ERBIN: variants seen among roughly 807,000 people sequenced by gnomAD.
ERBIN encodes the protein erbb2 interacting protein, also known as densin-180-like protein.
A neutral mutation model predicts 158.4 loss-of-function variants in ERBIN; 60 were observed. The observed-to-expected ratio is 0.38, with a 90% CI of 0.31 to 0.47. The LOEUF is 0.47. ERBIN is among the 20% of genes least tolerant of loss of function. The pLI, the probability that ERBIN is intolerant of heterozygous loss-of-function variation, is 0.99. For missense variants in ERBIN, 1,610 were observed against 1,648.0 expected (o/e 0.98, Z 0.40); for synonymous variants, 594 against 557.2 (o/e 1.07, Z -0.93).
chr5:66,081,801 T>G lies in ERBIN; in HGVS notation c.*3271T>G, dbSNP rs966081082. 2.6e-5 allele frequency: 4 copies of G among 152,106 alleles called. No individual in the cohort carries two copies. Among genetic ancestry groups the G allele is most frequent in the African/African-American group, 9.7e-5 (4 of 41,422 alleles). The allele number at this position is 152,106 out of a possible 1,614,324, so 9.4% of individuals were successfully genotyped here. On this transcript the variant is annotated 3_prime_UTR_variant, in exon 26 of 26. Coordinates refer to ENST00000284037, the MANE Select transcript of ERBIN (RefSeq NM_001253697.2). The stretch of plus-strand genomic sequence containing the variant: ...TGTTGCATTCTTACAGCCTTCTGTT[T>G]TAATGTTCAGTGAATAGGTTTCTTA...
chr5:66,058,167 C>T (rs1759827161), intron 21 of ERBIN, among the ~76,000 whole-genome samples: 1 of 151,752 alleles, frequency 6.6e-6, no homozygotes, highest in Non-Finnish European at 1.5e-5. Flanking sequence ...TAAAAGTGTT[C>T]CTATTTCTCC....
intron 1 of ERBIN, among the ~76,000 whole-genome samples, chr5:65,928,615 ATTT>A (rs916784566): frequency 6.6e-6 from 1 of 151,938 alleles, no homozygotes; most frequent in African/African-American, 2.4e-5. Context: ...TTAGTTCTTG[ATTT>A]TTTTTCTCAG....
chr5:65,962,823 T>G (rs541590474), intron 1 of ERBIN, among the ~76,000 whole-genome samples: 1 of 152,314 alleles, frequency 6.6e-6, no homozygotes, highest in South Asian at 2.1e-4. Flanking sequence ...AATGAACAGT[T>G]TGGTTTAGTA....
intron 1 of ERBIN, among the ~76,000 whole-genome samples, chr5:65,954,927 T>C (rs1746918614): frequency 6.6e-6 from 1 of 151,896 alleles, no homozygotes; most frequent in South Asian, 2.1e-4. Flanking sequence ...TAGCCGGGCA[T>C]GGTGGTGGGC....
At chr5:66,029,758 C>A (rs1054212634) in intron 14 of ERBIN, among the ~76,000 whole-genome samples, 4 of 152,100 alleles carry the variant, frequency 2.6e-5, no homozygotes, top group Non-Finnish European at 4.4e-5. Context: ...GCATGTGCCG[C>A]CACTCCCAGC....
chr5:66,027,838 C>G (rs1756442357), intron 13 of ERBIN, among the ~76,000 whole-genome samples: 1 of 152,032 alleles, frequency 6.6e-6, no homozygotes, highest in East Asian at 1.9e-4. Context: ...GATTATGTAA[C>G]TGCTGGCTCA....
At chr5:66,049,367 C>T (rs764180147) in intron 19 of ERBIN, among the ~76,000 whole-genome samples, 4 of 151,952 alleles carry the variant, frequency 2.6e-5, no homozygotes, top group African/African-American at 9.7e-5. Context: ...AATGTTTAGC[C>T]GTTTGTCTTT....
At chr5:66,029,045 C>T (rs1346072416) in intron 14 of ERBIN, among the ~76,000 whole-genome samples, 1 of 152,130 alleles carries the variant, frequency 6.6e-6, no homozygotes, top group African/African-American at 2.4e-5. Context: ...ACTACATTTT[C>T]TTTGTTCATT....
At position 65,997,717 on chromosome 5, in the gene ERBIN, G is replaced by A. The variant is rs138823556; in HGVS notation, c.307+2853G>A. ...AGTCCCACCAAGTTAGTGCAGCAGT[G>A]CCAGCAAATATGTAGTAATCATATT... On this transcript the variant is annotated intron_variant, in intron 4 of 25. Coordinates refer to ENST00000284037, the MANE Select transcript of ERBIN (RefSeq NM_001253697.2). Among the ~76,000 whole-genome samples, 240 of 152,240 alleles carry A rather than the reference G, an allele frequency of 1.6e-3. 1 individual carries two copies. The highest frequency in any genetic ancestry group is 5.6e-3 in the African/African-American group (231 of 41,550).
At chr5:65,942,197 T>C (rs190916532) in intron 1 of ERBIN, among the ~76,000 whole-genome samples, 140 of 152,330 alleles carry the variant, frequency 9.2e-4, no homozygotes, top group African/African-American at 3.2e-3. Context: ...CAGGAAGCTG[T>C]TAGACCAGTT....
chr5:65,952,369 G>A (rs1746610566), intron 1 of ERBIN, among the ~76,000 whole-genome samples: 1 of 152,008 alleles, frequency 6.6e-6, no homozygotes, highest in African/African-American at 2.4e-5. Context: ...TTTTTAAAGA[G>A]ATGGGCTCTC....
intron 8 of ERBIN, 48 bp from the exon 9 acceptor site, chr5:66,023,242 C>T: frequency 7.4e-7 from 1 of 1,360,034 alleles, no homozygotes; most frequent in Non-Finnish European, 1.0e-6. Context: ...TAAAGACATT[C>T]ATAAAAATTA....
intron 21 of ERBIN, among the ~76,000 whole-genome samples, chr5:66,061,517 T>G (rs2151268032): frequency 6.6e-6 from 1 of 152,350 alleles, no homozygotes; most frequent in East Asian, 1.9e-4. Flanking sequence ...TCTGTGCCTT[T>G]TAATTGGAGC....
At chr5:65,995,373 ATTTTT>A (rs35797173) in intron 4 of ERBIN, among the ~76,000 whole-genome samples, 8 of 144,678 alleles carry the variant, frequency 5.5e-5, no homozygotes, top group Admixed American at 2.8e-4. Context: ...CTTATGTGGT[ATTTTT>A]TTTTTTTTTT....
chr5:65,987,901 C>T (rs1751442119), intron 1 of ERBIN, among the ~76,000 whole-genome samples: 1 of 151,876 alleles, frequency 6.6e-6, no homozygotes, highest in Non-Finnish European at 1.5e-5. Context: ...TTAACAGTGC[C>T]TGCCACATAG....
At chr5:66,043,459 C>T (rs183493790) in intron 16 of ERBIN, among the ~76,000 whole-genome samples, 1 of 151,998 alleles carries the variant, frequency 6.6e-6, no homozygotes, top group African/African-American at 2.4e-5. Context: ...AGAAATTAAC[C>T]AGCACTTTAT....
intron 7 of ERBIN, among the ~76,000 whole-genome samples, chr5:66,016,910 CGGCTT>C (rs1253747547): frequency 6.6e-6 from 1 of 152,038 alleles, no homozygotes; most frequent in East Asian, 1.9e-4. Context: ...CCACCACACC[CGGCTT>C]GGGATCTTTT....
chr5:66,026,552 A>G (rs1022274997), intron 13 of ERBIN, 135 bp downstream of exon 13: 2 of 415,824 alleles, frequency 4.8e-6, no homozygotes, highest in Non-Finnish European at 8.4e-6. Context: ...AGTGTTATTG[A>G]TAGGCTCTTG....
chr5:66,023,103 A>G (rs1285884131), intron 8 of ERBIN, 187 bp from the exon 9 acceptor site: 8 of 446,458 alleles, frequency 1.8e-5, no homozygotes, highest in Non-Finnish European at 3.1e-5. Flanking sequence ...ATTTTACTGT[A>G]GTAACTATAA....
Sources: gnomAD v4.1 joint callset for allele counts (sites outside exome capture counted in the v4.1 genomes callset) on GRCh38, gnomAD v4.1.1 for gene constraint, MANE v1.5 for transcripts, NCBI Gene and HGNC (gene_info 2026-07-23, HGNC 2026-07-21) for gene names.